PTPRD: variants seen among roughly 807,000 people sequenced by gnomAD.
PTPRD encodes the protein receptor-type tyrosine-protein phosphatase delta.
A neutral mutation model predicts 214.5 loss-of-function variants in PTPRD; 34 were observed. The observed-to-expected ratio is 0.16, with a 90% confidence interval of 0.12 to 0.21. The LOEUF is 0.21. PTPRD is among the 10% of genes least tolerant of loss of function. The probability of loss-of-function intolerance (pLI) is 1.00; values close to 1 mark genes in which losing one functional copy is unlikely to be tolerated. For missense variants in PTPRD, 2,545 were observed against 2,398.7 expected (o/e 1.06, Z -1.27); for synonymous variants, 1,128 against 845.7 (o/e 1.33, Z -5.79).
At chr9:10,363,991 G>GTTTTTGTTTTTTTTTTTTTTTTT in intron 2 of PTPRD, among the ~76,000 whole-genome samples, 1 of 35,132 alleles carries the variant, frequency 2.8e-5, no homozygotes, top group Non-Finnish European at 5.5e-5. Flanking sequence ...ACATTTTCGG[G>GTTTTTGTTTTTTTTTTTTTTTTT]TTTTTTTTTT....
intron 35 of PTPRD, among the ~76,000 whole-genome samples, chr9:8,424,344 C>A (rs1179573862): frequency 6.6e-6 from 1 of 152,090 alleles, no homozygotes; most frequent in Non-Finnish European, 1.5e-5. Context: ...TCAGACTACA[C>A]GGGTTCATAT....
intron 8 of PTPRD, among the ~76,000 whole-genome samples, chr9:9,564,290 G>A (rs905987863): frequency 6.6e-6 from 1 of 152,066 alleles, no homozygotes; most frequent in Admixed American, 6.6e-5. Context: ...AAATGAAGGA[G>A]CTATGCCCAA....
chr9:10,040,002 G>A (rs560701540), intron 3 of PTPRD, among the ~76,000 whole-genome samples: 2 of 152,180 alleles, frequency 1.3e-5, no homozygotes, highest in South Asian at 4.1e-4. Context: ...GGGCATAGCA[G>A]TCAGAATTTC....
chr9:9,745,399 G>A (rs2098447370), intron 6 of PTPRD, among the ~76,000 whole-genome samples: 1 of 152,072 alleles, frequency 6.6e-6, no homozygotes, highest in African/African-American at 2.4e-5. Context: ...AGAGAGGCAA[G>A]TAGCACAAAG....
At chr9:10,063,840 C>CA (rs1053908192) in intron 3 of PTPRD, among the ~76,000 whole-genome samples, 11 of 151,740 alleles carry the variant, frequency 7.2e-5, no homozygotes, top group Admixed American at 5.3e-4. Flanking sequence ...AAAACAAAAA[C>CA]AAAAAACAAA....
intron 14 of PTPRD, among the ~76,000 whole-genome samples, chr9:8,583,660 G>C (rs2093383109): frequency 6.6e-6 from 1 of 152,160 alleles, no homozygotes; most frequent in Admixed American, 6.5e-5. Context: ...ACCTTTCATG[G>C]AGATAATATA....
intron 11 of PTPRD, among the ~76,000 whole-genome samples, chr9:8,772,986 C>T (rs1003389813): frequency 6.6e-6 from 1 of 151,992 alleles, no homozygotes. Context: ...TCAATTTTTC[C>T]CCACTTCTGA....
intron 5 of PTPRD, among the ~76,000 whole-genome samples, chr9:9,773,199 C>T (rs1280468557): frequency 1.3e-5 from 2 of 151,978 alleles, no homozygotes; most frequent in South Asian, 2.1e-4. Flanking sequence ...TAATGTAAAC[C>T]TCCTTTCCCT....
intron 36 of PTPRD, among the ~76,000 whole-genome samples, chr9:8,401,274 C>T (rs2092349509): frequency 6.6e-6 from 1 of 152,036 alleles, no homozygotes; most frequent in Non-Finnish European, 1.5e-5. Context: ...AAGCAACCCT[C>T]CCACCTCAGC....
At chr9:8,523,434 ATTCAT>A (rs1156289823) in intron 19 of PTPRD, 74 bp downstream of exon 19, 1 of 1,506,478 alleles carries the variant, frequency 6.6e-7, no homozygotes. Context: ...ATGCAGCTAC[ATTCAT>A]TTCATTTGTA....
chr9:8,623,733 A>C (rs1258320935), intron 14 of PTPRD, among the ~76,000 whole-genome samples: 1 of 151,866 alleles, frequency 6.6e-6, no homozygotes, highest in Non-Finnish European at 1.5e-5. Flanking sequence ...TGATAGACAG[A>C]TGCTGAAGCT....
chr9:9,845,252 C>G (rs1325884123), intron 5 of PTPRD, among the ~76,000 whole-genome samples: 1 of 141,024 alleles, frequency 7.1e-6, no homozygotes, highest in Non-Finnish European at 1.6e-5. Context: ...CTTAACAATT[C>G]TATTTAGAAA....
At chr9:8,631,674 C>T (rs1595693900) in intron 14 of PTPRD, among the ~76,000 whole-genome samples, 1 of 151,806 alleles carries the variant, frequency 6.6e-6, no homozygotes, top group Non-Finnish European at 1.5e-5. Context: ...TTACTCTCAA[C>T]TTATTTTATA....
intron 11 of PTPRD, among the ~76,000 whole-genome samples, chr9:8,854,772 G>C (rs913943251): frequency 2.6e-5 from 4 of 152,130 alleles, no homozygotes; most frequent in Admixed American, 2.6e-4. Context: ...CGCTTACAAA[G>C]CTACTTTAAT....
intron 9 of PTPRD, among the ~76,000 whole-genome samples, chr9:9,306,226 C>A (rs1957076380): frequency 6.6e-6 from 1 of 151,820 alleles, no homozygotes; most frequent in Non-Finnish European, 1.5e-5. Context: ...GGCTGATTTT[C>A]CAGTGAAGAT....
chr9:9,818,710 G>T (rs376514412), intron 5 of PTPRD, among the ~76,000 whole-genome samples: 1 of 152,008 alleles, frequency 6.6e-6, no homozygotes, highest in Non-Finnish European at 1.5e-5. Flanking sequence ...GAGGTCAGGA[G>T]TTCGAAGTCA....
chr9:10,099,464 G>A (rs1175138151), intron 3 of PTPRD, among the ~76,000 whole-genome samples: 2 of 151,706 alleles, frequency 1.3e-5, no homozygotes, highest in African/African-American at 4.8e-5. Flanking sequence ...GTTAATATAT[G>A]TAAATTCCCA....
At chr9:9,008,991 A>G (rs764935064) in intron 11 of PTPRD, among the ~76,000 whole-genome samples, 1 of 152,186 alleles carries the variant, frequency 6.6e-6, no homozygotes, top group East Asian at 1.9e-4. Context: ...GAACTAAAGT[A>G]GTGTTTGGCA....
At chr9:10,585,956 C>G (rs558862383) in intron 2 of PTPRD, among the ~76,000 whole-genome samples, 1 of 152,114 alleles carries the variant, frequency 6.6e-6, no homozygotes, top group South Asian at 2.1e-4. Context: ...AACCTGAAAT[C>G]TAATGTTGAC....
Sources: gnomAD v4.1 joint callset for allele counts (sites outside exome capture counted in the v4.1 genomes callset) on GRCh38, gnomAD v4.1.1 for gene constraint, MANE v1.5 for transcripts, NCBI Gene and HGNC (gene_info 2026-07-23, HGNC 2026-07-21) for gene names.